DCDC2C: variants seen among roughly 807,000 people sequenced by gnomAD.
DCDC2C encodes doublecortin domain-containing protein 2C.
In DCDC2C, 44 loss-of-function variants were observed where a neutral mutation model predicts 45.0. The ratio of observed to expected loss-of-function variants is 0.98; its 90% CI spans 0.77 to 1.26. DCDC2C has a LOEUF of 1.26. Ranked by LOEUF, DCDC2C falls within the 50% of genes most tolerant of loss-of-function variation. The probability of loss-of-function intolerance (pLI) is 0.00; values close to 1 mark genes in which losing one functional copy is unlikely to be tolerated. For missense variants in DCDC2C, 447 were observed against 468.9 expected (o/e 0.95, Z 0.43); for synonymous variants, 187 against 178.8 (o/e 1.05, Z -0.37).
At chr2:3,757,064 AT>A (rs1012956608) in intron 6 of DCDC2C, among the ~76,000 whole-genome samples, 3 of 152,064 alleles carry the variant, frequency 2.0e-5, no homozygotes, top group South Asian at 2.1e-4. Flanking sequence ...CTCAGTATTA[AT>A]TTTTTTTGGC....
At chr2:3,782,228 C>A (rs1670530313) in intron 9 of DCDC2C, among the ~76,000 whole-genome samples, 1 of 152,260 alleles carries the variant, frequency 6.6e-6, no homozygotes, top group Non-Finnish European at 1.5e-5. Flanking sequence ...ATGATGGGAT[C>A]CTCCTCACGC....
intron 10 of DCDC2C, among the ~76,000 whole-genome samples, chr2:3,810,165 C>T (rs1159845607): frequency 3.3e-5 from 5 of 152,318 alleles, no homozygotes; most frequent in Middle Eastern, 3.4e-3. Context: ...TGAGGAATCG[C>T]CATACCGTCT....
chr2:3,836,936 A>G (rs1181016779), intron 10 of DCDC2C, among the ~76,000 whole-genome samples: 2 of 151,914 alleles, frequency 1.3e-5, no homozygotes, highest in South Asian at 2.1e-4. Flanking sequence ...GTACTATCTT[A>G]TAAATCTAAA....
chr2:3,736,261 T>C (rs1423696054), intron 3 of DCDC2C, among the ~76,000 whole-genome samples: 6 of 152,134 alleles, frequency 3.9e-5, no homozygotes, highest in Non-Finnish European at 7.4e-5. Context: ...GTGGTAGGAC[T>C]GAGAAGGAAG....
At chr2:3,709,781 G>T (rs572999748) in intron 2 of DCDC2C, among the ~76,000 whole-genome samples, 1 of 152,172 alleles carries the variant, frequency 6.6e-6, no homozygotes, top group Non-Finnish European at 1.5e-5. Flanking sequence ...TTGAGTCTCG[G>T]TTCATCCTTT....
At chr2:3,830,087 C>T (rs539932392) in intron 10 of DCDC2C, among the ~76,000 whole-genome samples, 2 of 152,338 alleles carry the variant, frequency 1.3e-5, no homozygotes, top group Admixed American at 1.3e-4. Context: ...AATTATTTCA[C>T]TGAATATGCA....
chr2:3,767,392 T>A (rs1252022736), intron 6 of DCDC2C, among the ~76,000 whole-genome samples: 1 of 152,244 alleles, frequency 6.6e-6, no homozygotes, highest in Admixed American at 6.5e-5. Context: ...TTTATTCAGC[T>A]TTAAAGAGTG....
chr2:3,756,674 C>G (rs562904563), intron 6 of DCDC2C, among the ~76,000 whole-genome samples: 1 of 152,232 alleles, frequency 6.6e-6, no homozygotes, highest in East Asian at 1.9e-4. Flanking sequence ...GGCCACGGTC[C>G]TTATCCAACT....
At chr2:3,783,306 C>G (rs565337654) in intron 9 of DCDC2C, among the ~76,000 whole-genome samples, 1 of 152,312 alleles carries the variant, frequency 6.6e-6, no homozygotes, top group African/African-American at 2.4e-5. Flanking sequence ...TGTGCATGTT[C>G]TGGCCTATCC....
chr2:3,735,414 GC>G (rs1491544584), intron 3 of DCDC2C, among the ~76,000 whole-genome samples: 2 of 150,690 alleles, frequency 1.3e-5, no homozygotes, highest in Middle Eastern at 3.4e-3. Context: ...TCCCTCCCCT[GC>G]CCCCCACCCC....
intron 10 of DCDC2C, among the ~76,000 whole-genome samples, chr2:3,823,312 T>G (rs1558243366): frequency 1.3e-5 from 2 of 152,218 alleles, no homozygotes; most frequent in African/African-American, 2.4e-5. Flanking sequence ...TATTGATTTC[T>G]AACGTCATTC....
At chr2:3,712,701 G>C (rs1032967918) in intron 2 of DCDC2C, among the ~76,000 whole-genome samples, 1 of 152,054 alleles carries the variant, frequency 6.6e-6, no homozygotes, top group Non-Finnish European at 1.5e-5. Flanking sequence ...AAATGCTTTG[G>C]TGAGATGCCA....
At chr2:3,719,646 A>G (rs937026913) in intron 2 of DCDC2C, among the ~76,000 whole-genome samples, 4 of 152,156 alleles carry the variant, frequency 2.6e-5, no homozygotes, top group African/African-American at 9.7e-5. Context: ...GCTTTGCCTG[A>G]TGTCTTGGAA....
chr2:3,727,199 CTGCTCTCTTG>C (rs1668715027), intron 3 of DCDC2C, 120 bp downstream of exon 3: 1 of 762,744 alleles, frequency 1.3e-6, no homozygotes, highest in African/African-American at 1.7e-5. Context: ...TCCCCTCCCC[CTGCTCTCTTG>C]TGCTCTCACT....
intron 2 of DCDC2C, among the ~76,000 whole-genome samples, chr2:3,713,386 CGA>C (rs1262988068): frequency 6.6e-6 from 1 of 152,094 alleles, no homozygotes; most frequent in Non-Finnish European, 1.5e-5. Flanking sequence ...ATGATCCATG[CGA>C]GGGGCTGGGG....
At chr2:3,754,091 A>G (rs357967) in intron 5 of DCDC2C, among the ~76,000 whole-genome samples, 84,467 of 152,040 alleles carry the variant, frequency 0.56, 24,076 homozygotes, top group East Asian at 0.76. Context: ...AGCCCTGACC[A>G]GGTCTGACTG....
chr2:3,811,011 T>C (rs1273762221), intron 10 of DCDC2C, among the ~76,000 whole-genome samples: 1 of 152,188 alleles, frequency 6.6e-6, no homozygotes, highest in South Asian at 2.1e-4. Context: ...AGTCAGGTAG[T>C]GTGATGCCTC....
chr2:3,802,887 T>C (rs1671147753), intron 10 of DCDC2C, among the ~76,000 whole-genome samples: 1 of 152,166 alleles, frequency 6.6e-6, no homozygotes, highest in African/African-American at 2.4e-5. Context: ...TCATGAGTCT[T>C]CCCTACTCTC....
chr2:3,721,583 G>T (rs970489525), intron 2 of DCDC2C, among the ~76,000 whole-genome samples: 2 of 152,144 alleles, frequency 1.3e-5, no homozygotes. Flanking sequence ...CACAATAATT[G>T]CTGTTTGATA....
Sources: allele counts gnomAD v4.1 joint callset (sites outside exome capture counted in the v4.1 genomes callset), GRCh38; gene constraint gnomAD v4.1.1; transcripts MANE v1.5; gene names NCBI Gene and HGNC (gene_info 2026-07-23, HGNC 2026-07-21).